DUOX2: variants seen among roughly 807,000 people sequenced by gnomAD.
The protein encoded by DUOX2 is dual oxidase 2.
Under a neutral mutation model 183.3 loss-of-function variants are expected in DUOX2, and 185 were observed. That is an observed-to-expected ratio of 1.01 (90% confidence interval 0.90 to 1.14). DUOX2 has a LOEUF of 1.14. DUOX2 is among the 50% of genes most tolerant of loss of function. DUOX2 has a pLI of 0.00. For missense variants in DUOX2, 1,999 were observed against 2,022.9 expected (o/e 0.99, Z 0.23); for synonymous variants, 788 against 812.4 (o/e 0.97, Z 0.51).
At chr15:45,108,991 CT>C in intron 11 of DUOX2, 39 bp from the exon 12 acceptor site, 1 of 1,612,840 alleles carries the variant, frequency 6.2e-7, no homozygotes. Context: ...GCTTTGTCCT[CT>C]CCATCCTTTT....
intron 8 of DUOX2, 48 bp from the exon 9 acceptor site, chr15:45,110,572 A>T: frequency 6.2e-7 from 1 of 1,613,652 alleles, no homozygotes; most frequent in South Asian, 1.1e-5. Flanking sequence ...TCTTGCCTCC[A>T]CATCCTCCCA....
rs749252728 is a variant in DUOX2, at chr15:45,101,830, C to G, written c.2814G>C (p.Thr938=). 17 of 1,614,224 alleles carry G rather than the reference C, an allele frequency of 1.1e-5. No homozygotes were observed. Among genetic ancestry groups the G allele is most frequent in the Non-Finnish European group, 1.4e-5 (17 of 1,180,042 alleles). ...LRDHDSELRF[T]QLCVKGGGGG... ...CACCTCCACCTTTGACACAGAGCTG[C>G]GTGAAGCGGAGCTCGCTGTCATGGT... Residue 938 remains threonine, a synonymous_variant, in exon 21 of 34, where the codon ACG becomes ACC. Transcript: ENST00000389039.
Position 45,101,192 on chromosome 15 carries a change from C to G in DUOX2, c.2921+13G>C. On this transcript the variant is annotated intron_variant, in intron 22 of 33. Coordinates refer to ENST00000389039, the MANE Select transcript of DUOX2 (RefSeq NM_001363711.2). ...CAGCCAGGCCAACCTGCCAGAGCCC[C>G]ATTCCTGCTCACCGCTCCCCAGGTG... 1 of 1,612,952 alleles carries G rather than the reference C, an allele frequency of 6.2e-7. No individual in the cohort carries two copies. The highest frequency in any genetic ancestry group is 8.5e-7 in the Non-Finnish European group (1 of 1,179,414).
intron 31 of DUOX2, 142 bp from the exon 32 acceptor site, chr15:45,095,233 C>T (rs1377012236): frequency 1.4e-6 from 2 of 1,411,260 alleles, no homozygotes; most frequent in East Asian, 2.4e-5. Flanking sequence ...TGATCCCAGG[C>T]TTCCAACTGA....
Position 45,112,987 on chromosome 15 carries a change from C to A in DUOX2, c.160G>T (p.Gly54Cys), listed in dbSNP as rs1456836359. ...GCACGCCCGGGCCCCCAGAACGCAC[C>A]AACAGCACCACGCTCGTGGTGCCTC... is the stretch of plus-strand genomic sequence containing the variant. Reference protein sequence around the residue: ...NLRHHERGAVGCRLQRRVPAN... With the variant: ...NLRHHERGAVCCRLQRRVPAN... Residue 54 changes from glycine (G) to cysteine (C), a missense_variant and splice_region_variant, in exon 3 of 34, where the codon GGC (glycine) becomes TGC (cysteine). Physicochemically the swap from Gly to Cys is radical, Grantham distance 159 (BLOSUM62 -3). This residue lies in a region of DUOX2 where 356 missense variants were observed against 356.4 expected (regional missense o/e 1.00). Coordinates refer to ENST00000389039, the MANE Select transcript of DUOX2 (RefSeq NM_001363711.2). 6.2e-7 allele frequency: 1 copy of A among 1,613,348 alleles called. No homozygotes were observed. The highest frequency in any genetic ancestry group is 8.5e-7 in the Non-Finnish European group (1 of 1,179,888).
intron 20 of DUOX2, among the ~76,000 whole-genome samples, chr15:45,102,789 C>A (rs947660301): frequency 2.0e-5 from 3 of 152,178 alleles, no homozygotes; most frequent in Admixed American, 6.5e-5. Flanking sequence ...CGAGACTAGC[C>A]TGGCCAACAT....
Position 45,113,002 on chromosome 15 carries a change from CGTGGTGCCTCAG to C in DUOX2, c.133_144del (p.Leu45_His48del). On this transcript the variant is annotated inframe_deletion, in exon 3 of 34. Coordinates refer to ENST00000389039, the MANE Select transcript of DUOX2 (RefSeq NM_001363711.2). ...CAGAACGCACCAACAGCACCACGCTCGTGGTGCCTCAGGTTGTTAAACCAGCCGTCATAGCGC... is the reference window on the plus strand; with the variant it reads ...CAGAACGCACCAACAGCACCACGCTCGTTGTTAAACCAGCCGTCATAGCGC... 1 of 1,613,666 alleles carries C rather than the reference CGTGGTGCCTCAG, an allele frequency of 6.2e-7. No individual in the cohort carries two copies. Among genetic ancestry groups the C allele is most frequent in the Non-Finnish European group, 8.5e-7 (1 of 1,179,926 alleles).
Position 45,104,276 on chromosome 15 carries a change from C to G in DUOX2, c.2424G>C (p.Arg808Ser), listed in dbSNP as rs1894156769. ...GGCCCAGGGACTCGGCAAACTCGGC[C>G]CTGCTCAGCTCGCAGGTCAGGGCCT... is the stretch of plus-strand genomic sequence containing the variant. ...VREALTCELS[R>S]AEFAESLGLK... Residue 808 changes from arginine to serine, a missense_variant, in exon 19 of 34, where the codon AGG becomes AGC. Arg to Ser is a moderately radical substitution (Grantham distance 110). This residue lies in a region of DUOX2 where 1,628 missense variants were observed against 1,608.6 expected (regional missense o/e 1.01). Coordinates refer to ENST00000389039, the MANE Select transcript of DUOX2 (RefSeq NM_001363711.2). 1.2e-6 allele frequency: 2 copies of G among 1,614,138 alleles called. No individual in the cohort carries two copies. Among genetic ancestry groups the G allele is most frequent in the Admixed American group, 3.3e-5 (2 of 60,018 alleles).
At chr15:45,102,866 C>T (rs938734630) in intron 20 of DUOX2, among the ~76,000 whole-genome samples, 1 of 152,178 alleles carries the variant, frequency 6.6e-6, no homozygotes, top group African/African-American at 2.4e-5. Context: ...CCTGTAATTC[C>T]AGCTACTTGG....
chr15:45,101,141 C>G, intron 22 of DUOX2, 64 bp downstream of exon 22: 1 of 1,457,830 alleles, frequency 6.9e-7, no homozygotes, highest in Non-Finnish European at 9.6e-7. Context: ...GCCAGTCCTA[C>G]TCCCTTCATT....
Position 45,111,927 on chromosome 15 carries a change from G to A in DUOX2, c.354C>T (p.Ser118=), listed in dbSNP as rs755529655. The change falls in exon 5 of 34, where the codon AGC becomes AGT. Residue 118 remains serine (S), a synonymous_variant. Transcript: ENST00000389039. ...FGYHVLSDVV[S]VETPGCPAEF... is the part of the protein sequence containing the mutation. ...CGGCGGGGCAACCGGGCGTTTCCACGCTCACCACGTCGGAAAGAACATGGT... is the reference window on the plus strand; with the variant it reads ...CGGCGGGGCAACCGGGCGTTTCCACACTCACCACGTCGGAAAGAACATGGT... The A allele has an allele frequency of 1.9e-6, 3 of 1,613,692 alleles. No homozygotes were observed. The Admixed American group carries it at 5.0e-5, about 27-fold the overall frequency.
chr15:45,097,970 A>G, intron 27 of DUOX2, 39 bp downstream of exon 27: 1 of 1,605,038 alleles, frequency 6.2e-7, no homozygotes, highest in Non-Finnish European at 8.5e-7. Context: ...ACAAAAGCAG[A>G]AGTCCTCAGA....
chr15:45,101,754 C>A, intron 21 of DUOX2, 39 bp downstream of exon 21: 9 of 1,612,506 alleles, frequency 5.6e-6, no homozygotes, highest in Non-Finnish European at 7.6e-6. Flanking sequence ...TGAGGACACG[C>A]CCCCCCTCCC....
rs538197859 is a variant in DUOX2, at chr15:45,108,980, G to A, written c.1235-28C>T. On this transcript the variant is annotated intron_variant, in intron 11 of 33. Coordinates refer to ENST00000389039, the MANE Select transcript of DUOX2 (RefSeq NM_001363711.2). ...GAAGAGGAGAGAAGACTAGACTATG[G>A]GCTTTGTCCTCTCCATCCTTTTTTG... 3 of 1,613,524 alleles carry A rather than the reference G, an allele frequency of 1.9e-6. No homozygotes were observed. In the South Asian group the frequency reaches 3.3e-5, roughly 18 times the overall value.
At position 45,094,571 on chromosome 15, in the gene DUOX2, G is replaced by A. The variant is rs1388132948; in HGVS notation, c.4516C>T (p.His1506Tyr). The change falls in exon 33 of 34, where the codon CAC becomes TAC. Residue 1506 changes from histidine to tyrosine, a missense_variant. His to Tyr is a moderately conservative substitution (Grantham distance 83). Coordinates refer to ENST00000389039, the MANE Select transcript of DUOX2 (RefSeq NM_001363711.2). Reference protein sequence around the residue: ...EPFFNSLQEVHPQVRKIGVFS... With the variant: ...EPFFNSLQEVYPQVRKIGVFS... ...GAGGGAGTGGGACTGACCTGTGGGT[G>A]GACCTCCTGCAGGGAGTTGAAGAAG... 3.1e-6 allele frequency: 5 copies of A among 1,613,548 alleles called. No individual in the cohort carries two copies. The highest frequency in any genetic ancestry group is 2.7e-5 in the African/African-American group (2 of 74,980).
intron 26 of DUOX2, among the ~76,000 whole-genome samples, chr15:45,098,785 C>A (rs1229412358): frequency 6.6e-6 from 1 of 151,872 alleles, no homozygotes; most frequent in Non-Finnish European, 1.5e-5. Flanking sequence ...CTCACTGCAA[C>A]CTAAAACTCC....
chr15:45,095,038 G>A lies in DUOX2; in HGVS notation c.4293C>T (p.Asp1431=). The stretch of plus-strand genomic sequence containing the variant: ...CGTTCTCCTCCACCTCTTGGATGAT[G>A]TCAGCCAGCCACTCAAACTGACGCT... ...RTQRQFEWLA[D]IIQEVEENDH... The change falls in exon 32 of 34, where the codon GAC becomes GAT. Residue 1431 remains aspartate (D), a synonymous_variant. Coordinates refer to ENST00000389039, the MANE Select transcript of DUOX2 (RefSeq NM_001363711.2). 1 of 1,614,190 alleles carries A rather than the reference G, an allele frequency of 6.2e-7. No individual in the cohort carries two copies. The highest frequency in any genetic ancestry group is 8.5e-7 in the Non-Finnish European group (1 of 1,180,032).
chr15:45,110,566 G>T (rs894577537), intron 8 of DUOX2, 42 bp from the exon 9 acceptor site: 1 of 1,613,734 alleles, frequency 6.2e-7, no homozygotes, highest in African/African-American at 1.3e-5. Flanking sequence ...CAGGCTTCTT[G>T]CCTCCACATC....
intron 19 of DUOX2, 26 bp from the exon 20 acceptor site, chr15:45,104,079 T>G: frequency 6.2e-7 from 1 of 1,614,104 alleles, no homozygotes; most frequent in Non-Finnish European, 8.5e-7. Context: ...GGAATGCAGG[T>G]CATCTCCTTG....
Sources: gnomAD v4.1 joint callset for allele counts (sites outside exome capture counted in the v4.1 genomes callset) on GRCh38, gnomAD v4.1.1 for gene constraint, gnomAD v4.1.1 regional missense constraint, MANE v1.5 for transcripts, NCBI Gene and HGNC (gene_info 2026-07-23, HGNC 2026-07-21) for gene names.